LRFN2: variants seen among roughly 807,000 people sequenced by gnomAD.
LRFN2 encodes the protein leucine-rich repeat and fibronectin type-III domain-containing protein 2.
LRFN2 carries 18 observed loss-of-function variants against 37.3 expected under a neutral mutation model. The ratio of observed to expected loss-of-function variants is 0.48; its 90% CI spans 0.33 to 0.72. The LOEUF (loss-of-function observed/expected upper bound fraction) is 0.72. LRFN2 is among the 30% of genes least tolerant of loss of function. LRFN2 has a pLI of 0.02. For missense variants in LRFN2, 1,006 were observed against 1,060.7 expected (o/e 0.95, Z 0.72); for synonymous variants, 556 against 466.6 (o/e 1.19, Z -2.47).
rs73732694 is a variant in LRFN2 at position 40,499,626 on chromosome 6, C to T, written c.-18-66495G>A. ...TGTGTTCGTGGTTTCTCTCTTTTCC[C>T]CAGCTGGAGAGAGTGGCAGCAGAGA... On this transcript the variant is annotated intron_variant, in intron 1 of 2. Coordinates refer to ENST00000338305, the MANE Select transcript of LRFN2 (RefSeq NM_020737.3). Among the ~76,000 whole-genome samples the T allele has an allele frequency of 7.3e-3, 1,109 of 152,196 alleles. 17 individuals are homozygous for T. Among genetic ancestry groups the T allele is most frequent in the African/African-American group, 0.025 (1,020 of 41,510 alleles).
chr6:40,430,147 G>A (rs1431314984), intron 2 of LRFN2, among the ~76,000 whole-genome samples: 2 of 152,142 alleles, frequency 1.3e-5, no homozygotes, highest in Non-Finnish European at 2.9e-5. Context: ...ATATGCATGT[G>A]GGTAACTTCC....
At chr6:40,542,467 G>A (rs1400807907) in intron 1 of LRFN2, among the ~76,000 whole-genome samples, 1 of 151,440 alleles carries the variant, frequency 6.6e-6, no homozygotes, top group African/African-American at 2.4e-5. Context: ...CAGTGATTTG[G>A]AAAACATCTG....
chr6:40,569,359 A>G (rs2473585), intron 1 of LRFN2, among the ~76,000 whole-genome samples: 76,596 of 151,972 alleles, frequency 0.5, 19,652 homozygotes, highest in Middle Eastern at 0.61. Context: ...GGGATCATAA[A>G]TGAGGAAGTG....
chr6:40,411,327 G>T (rs950612906), intron 2 of LRFN2, among the ~76,000 whole-genome samples: 1 of 152,190 alleles, frequency 6.6e-6, no homozygotes, highest in African/African-American at 2.4e-5. Context: ...GGAGTAGGGG[G>T]GCTGTGTGAG....
intron 1 of LRFN2, among the ~76,000 whole-genome samples, chr6:40,484,390 C>A (rs1417019426): frequency 6.6e-6 from 1 of 152,218 alleles, no homozygotes; most frequent in African/African-American, 2.4e-5. Context: ...ATCCTGCCCC[C>A]ACCCGCTGAG....
intron 1 of LRFN2, among the ~76,000 whole-genome samples, chr6:40,549,957 C>T (rs925711559): frequency 1.3e-5 from 2 of 152,212 alleles, no homozygotes; most frequent in Admixed American, 1.3e-4. Context: ...TCGCTTGAAC[C>T]CAGGAGGCGG....
At position 40,494,357 on chromosome 6, in the gene LRFN2, T is replaced by G. The variant is rs186591076; in HGVS notation, c.-18-61226A>C. ...CAGGGCGGAGGTGAGAGCAAGGGGC[T>G]TAGTTTCCCCACCCCCGTTTCCAAA... On this transcript the variant is annotated intron_variant, in intron 1 of 2. Coordinates refer to ENST00000338305, the MANE Select transcript of LRFN2 (RefSeq NM_020737.3). 2.0e-3 allele frequency among the ~76,000 whole-genome samples: 308 copies of G among 152,274 alleles called. 1 individual carries two copies. The highest frequency in any genetic ancestry group is 7.2e-3 in the African/African-American group (299 of 41,556).
chr6:40,435,609 G>C (rs1464593957), intron 1 of LRFN2, among the ~76,000 whole-genome samples: 3 of 152,042 alleles, frequency 2.0e-5, no homozygotes. Flanking sequence ...CATGATCTCA[G>C]CTCACTGCAA....
chr6:40,410,548 T>C (rs912120890), intron 2 of LRFN2, among the ~76,000 whole-genome samples: 1 of 152,212 alleles, frequency 6.6e-6, no homozygotes, highest in African/African-American at 2.4e-5. Context: ...CAAACCCAAT[T>C]TGCAGAGTTA....
chr6:40,423,696 T>C (rs1763281164), intron 2 of LRFN2, among the ~76,000 whole-genome samples: 1 of 152,212 alleles, frequency 6.6e-6, no homozygotes, highest in African/African-American at 2.4e-5. Flanking sequence ...TTTGCAGAAA[T>C]GTGTGCCCAG....
At chr6:40,479,274 A>G (rs577188773) in intron 1 of LRFN2, among the ~76,000 whole-genome samples, 36 of 152,168 alleles carry the variant, frequency 2.4e-4, no homozygotes, top group Non-Finnish European at 4.0e-4. Flanking sequence ...GCCAAAGCAC[A>G]CTTGGGGAGA....
intron 1 of LRFN2, among the ~76,000 whole-genome samples, chr6:40,582,727 A>G (rs74570989): frequency 1.3e-5 from 2 of 150,764 alleles, no homozygotes; most frequent in Admixed American, 6.6e-5. Context: ...AAAAAAAAAA[A>G]AGACTGATAA....
chr6:40,396,431 C>T (rs1401707102), intron 2 of LRFN2, among the ~76,000 whole-genome samples: 1 of 152,158 alleles, frequency 6.6e-6, no homozygotes, highest in African/African-American at 2.4e-5. Context: ...CCCAACTCAC[C>T]TTTGCTCCCC....
chr6:40,448,952 G>A (rs1205446637), intron 1 of LRFN2, among the ~76,000 whole-genome samples: 1 of 152,142 alleles, frequency 6.6e-6, no homozygotes, highest in Non-Finnish European at 1.5e-5. Context: ...GGGAAGTCAG[G>A]CTAGGGGCTC....
At chr6:40,569,310 C>T (rs532745300) in intron 1 of LRFN2, among the ~76,000 whole-genome samples, 8 of 152,108 alleles carry the variant, frequency 5.3e-5, no homozygotes, top group Non-Finnish European at 8.8e-5. Context: ...TTGGTACATT[C>T]GAGGCATTTA....
At chr6:40,436,995 A>AGTGT (rs140423803) in intron 1 of LRFN2, among the ~76,000 whole-genome samples, 1 of 151,066 alleles carries the variant, frequency 6.6e-6, no homozygotes, top group African/African-American at 2.4e-5. Context: ...GAGGTGGTTG[A>AGTGT]GTGTGTGTGT....
chr6:40,490,125 A>C (rs1446557116), intron 1 of LRFN2, among the ~76,000 whole-genome samples: 1 of 152,234 alleles, frequency 6.6e-6, no homozygotes, highest in Admixed American at 6.5e-5. Flanking sequence ...GAGAGAAGTC[A>C]GACCCCGTGG....
At chr6:40,448,708 G>C (rs542915088) in intron 1 of LRFN2, among the ~76,000 whole-genome samples, 1 of 152,206 alleles carries the variant, frequency 6.6e-6, no homozygotes, top group African/African-American at 2.4e-5. Flanking sequence ...AGATTACAAG[G>C]CTGGGAGATC....
At chr6:40,437,767 T>C (rs1159899985) in intron 1 of LRFN2, among the ~76,000 whole-genome samples, 3 of 152,224 alleles carry the variant, frequency 2.0e-5, no homozygotes, top group Admixed American at 1.3e-4. Flanking sequence ...AAGGGCTCTC[T>C]CTTTTGGGCA....
Sources: gnomAD v4.1 joint callset for allele counts (sites outside exome capture counted in the v4.1 genomes callset) on GRCh38, gnomAD v4.1.1 for gene constraint, MANE v1.5 for transcripts, NCBI Gene and HGNC (gene_info 2026-07-23, HGNC 2026-07-21) for gene names.